The following R3HDM2 variants were observed in gnomAD, a reference collection of about 807,000 sequenced individuals.
R3HDM2 encodes R3H domain containing 2.
In R3HDM2, 38 loss-of-function variants were observed where a neutral mutation model predicts 124.5. The observed-to-expected ratio is 0.31, with a 90% CI of 0.24 to 0.40. The LOEUF is 0.40. Among genes scored for constraint, R3HDM2 ranks in the 10% least tolerant of loss-of-function variants. The pLI is 1.00. For missense variants in R3HDM2, 869 were observed against 1,236.9 expected, an observed-to-expected ratio of 0.70 and a Z score of 4.46; for synonymous variants, 391 against 448.0, an observed-to-expected ratio of 0.87 and a Z score of 1.61.
At chr12:57,393,040 G>A (rs959291951) in intron 2 of R3HDM2, among the ~76,000 whole-genome samples, 23 of 151,662 alleles carry the variant, frequency 1.5e-4, no homozygotes, top group Non-Finnish European at 3.2e-4. Flanking sequence ...TCCTGACCTC[G>A]TGATCCACCC....
At chr12:57,423,639 C>T (rs1434033933) in intron 1 of R3HDM2, among the ~76,000 whole-genome samples, 1 of 151,288 alleles carries the variant, frequency 6.6e-6, no homozygotes, top group Non-Finnish European at 1.5e-5. Flanking sequence ...TGGTGAAACC[C>T]CATCTCTACT....
intron 2 of R3HDM2, among the ~76,000 whole-genome samples, chr12:57,385,711 T>C (rs2065639808): frequency 6.6e-6 from 1 of 151,160 alleles, no homozygotes; most frequent in East Asian, 1.9e-4. Flanking sequence ...AAAAAAGACT[T>C]AGTAACATAT....
chr12:57,336,087 T>G (rs2058817204), intron 2 of R3HDM2, among the ~76,000 whole-genome samples: 1 of 151,776 alleles, frequency 6.6e-6, no homozygotes, highest in Non-Finnish European at 1.5e-5. Context: ...ATTGTGGGTT[T>G]TTTTTTTTTA....
chr12:57,384,896 G>A (rs536470921), intron 2 of R3HDM2, among the ~76,000 whole-genome samples: 1 of 152,072 alleles, frequency 6.6e-6, no homozygotes, highest in African/African-American at 2.4e-5. Context: ...CACGTGTAAT[G>A]CCAGCACTTT....
chr12:57,303,695 T>C (rs1429527435), intron 3 of R3HDM2, among the ~76,000 whole-genome samples: 1 of 152,022 alleles, frequency 6.6e-6, no homozygotes, highest in Non-Finnish European at 1.5e-5. Flanking sequence ...GGTGGGAGGA[T>C]GGCTTGAGCC....
At chr12:57,339,568 T>G (rs1419412779) in intron 2 of R3HDM2, among the ~76,000 whole-genome samples, 1 of 151,830 alleles carries the variant, frequency 6.6e-6, no homozygotes, top group Non-Finnish European at 1.5e-5. Context: ...TGTGGTGGCA[T>G]GCACCTGTAA....
chr12:57,387,296 C>T (rs1468533023), intron 2 of R3HDM2, among the ~76,000 whole-genome samples: 6 of 152,172 alleles, frequency 3.9e-5, no homozygotes, highest in Middle Eastern at 3.4e-3. Context: ...TAACACTCAC[C>T]GCAAAGGTCT....
intron 1 of R3HDM2, among the ~76,000 whole-genome samples, chr12:57,410,631 T>C (rs1258408127): frequency 3.3e-5 from 5 of 152,196 alleles, no homozygotes; most frequent in Non-Finnish European, 7.3e-5. Context: ...GGCAGGAAGA[T>C]CGCCTGAGGC....
At chr12:57,311,545 A>AT (rs143014909) in intron 2 of R3HDM2, among the ~76,000 whole-genome samples, 6 of 151,414 alleles carry the variant, frequency 4.0e-5, no homozygotes, top group Middle Eastern at 3.4e-3. Flanking sequence ...AATTTTTAAG[A>AT]TTTTTTTTGT....
chr12:57,294,706 A>G (rs2049379090), intron 10 of R3HDM2, among the ~76,000 whole-genome samples: 1 of 152,212 alleles, frequency 6.6e-6, no homozygotes, highest in Admixed American at 6.5e-5. Context: ...GCTAACCCGC[A>G]AATAATCACT....
At chr12:57,422,093 CAAAA>C (rs35439340) in intron 1 of R3HDM2, among the ~76,000 whole-genome samples, 1 of 74,388 alleles carries the variant, frequency 1.3e-5, no homozygotes. Context: ...CTCCGCCTAG[CAAAA>C]AAAAAAAAAA....
At position 57,257,888 on chromosome 12, in the gene R3HDM2, T is replaced by TA; in HGVS notation, c.2449+101dup. 6 of 1,264,882 alleles carry TA rather than the reference T, an allele frequency of 4.7e-6. No homozygotes were observed. The South Asian group carries it at 1.5e-4, about 32-fold the overall frequency. The allele number at this position is 1,264,882 out of a possible 1,614,324, so 78.4% of individuals were successfully genotyped here. On this transcript the variant is annotated intron_variant, in intron 21 of 23. Transcript: ENST00000402412. ...AGTTAACTCCCAGAATTGGATCATCTACACTGGTCCTCTGCCTGTTGTTAC... is the reference window on the plus strand; with the variant it reads ...AGTTAACTCCCAGAATTGGATCATCTAACACTGGTCCTCTGCCTGTTGTTAC...
At chr12:57,305,054 G>A (rs764331541) in intron 3 of R3HDM2, among the ~76,000 whole-genome samples, 2 of 152,086 alleles carry the variant, frequency 1.3e-5, no homozygotes, top group African/African-American at 2.4e-5. Flanking sequence ...GCGTGGTGGT[G>A]GGCACCTGTA....
chr12:57,295,018 G>A (rs146683602), intron 10 of R3HDM2, among the ~76,000 whole-genome samples: 164 of 152,312 alleles, frequency 1.1e-3, no homozygotes, highest in African/African-American at 3.8e-3. Context: ...GTAGCTTTTT[G>A]TGGTTCCCAA....
At chr12:57,264,094 T>C (rs1404573023) in intron 19 of R3HDM2, among the ~76,000 whole-genome samples, 7 of 151,350 alleles carry the variant, frequency 4.6e-5, no homozygotes, top group Non-Finnish European at 8.8e-5. Context: ...ATTTAAAAAT[T>C]AGCCAGCTGT....
chr12:57,352,128 A>C (rs1292638467), intron 2 of R3HDM2, among the ~76,000 whole-genome samples: 1 of 149,692 alleles, frequency 6.7e-6, no homozygotes, highest in African/African-American at 2.4e-5. Context: ...AAAACTACTT[A>C]GGGTATGGGA....
At chr12:57,317,668 TA>T (rs562475743) in intron 2 of R3HDM2, among the ~76,000 whole-genome samples, 29,851 of 107,958 alleles carry the variant, frequency 0.28, 4,415 homozygotes, top group East Asian at 0.42. Flanking sequence ...AGAAGATAGT[TA>T]AAAAAAAAAA....
chr12:57,269,897 A>T lies in R3HDM2; in HGVS notation c.1442T>A (p.Leu481His). ...DPSAALFQTP[L>H]ISQHPQQTSF... ...AGTCTGCTGAGGGTGCTGGGAGATAAGTGGGGTCTGGAATAGAGCTGCAGA... is the reference window on the plus strand; with the variant it reads ...AGTCTGCTGAGGGTGCTGGGAGATATGTGGGGTCTGGAATAGAGCTGCAGA... Residue 481 changes from leucine to histidine, a missense_variant, in exon 15 of 24, where the codon CTT becomes CAT. By Grantham distance (99) the Leu-to-His change is moderately conservative. This residue lies in a region of R3HDM2 where 602 missense variants were observed against 789.2 expected (regional missense o/e 0.76). Coordinates refer to ENST00000402412, the MANE Select transcript of R3HDM2 (RefSeq NM_001394031.1). 6.2e-7 allele frequency: 1 copy of T among 1,614,136 alleles called. No homozygotes were observed. The highest frequency in any genetic ancestry group is 8.5e-7 in the Non-Finnish European group (1 of 1,180,018).
At chr12:57,302,711 G>C (rs2051512632) in intron 4 of R3HDM2, among the ~76,000 whole-genome samples, 1 of 139,676 alleles carries the variant, frequency 7.2e-6, no homozygotes, top group East Asian at 2.0e-4. Flanking sequence ...GGAAAAAAAA[G>C]CCTGTATTTT....
Sources: allele counts gnomAD v4.1 joint callset (sites outside exome capture counted in the v4.1 genomes callset), GRCh38; gene constraint gnomAD v4.1.1; regional missense constraint gnomAD v4.1.1; transcripts MANE v1.5; gene names NCBI Gene and HGNC (gene_info 2026-07-23, HGNC 2026-07-21).